PDE4D: variants seen among roughly 807,000 people sequenced by gnomAD.
PDE4D encodes the protein 3',5'-cyclic-AMP phosphodiesterase 4D.
A neutral mutation model predicts 87.4 loss-of-function variants in PDE4D; 24 were observed. The ratio of observed to expected loss-of-function variants is 0.27; its 90% CI spans 0.20 to 0.39. The LOEUF (loss-of-function observed/expected upper bound fraction) is 0.39, where lower values mean the gene tolerates loss of function less well. Ranked by LOEUF, PDE4D falls within the 10% of genes least tolerant of loss-of-function variation. PDE4D has a pLI of 1.00. For synonymous variants in PDE4D, 384 were observed against 383.2 expected, an observed-to-expected ratio of 1.00 and a Z score of -0.02; for missense variants, 714 against 1,041.0, an observed-to-expected ratio of 0.69 and a Z score of 4.32.
At chr5:59,429,528 AT>A (rs1296913850) in intron 1 of PDE4D, among the ~76,000 whole-genome samples, 1 of 152,194 alleles carries the variant, frequency 6.6e-6, no homozygotes, top group African/African-American at 2.4e-5. Context: ...TAAGATAGTA[AT>A]GACAGTTTCC....
At chr5:59,534,027 C>T (rs1383670009) in intron 1 of PDE4D, among the ~76,000 whole-genome samples, 4 of 152,152 alleles carry the variant, frequency 2.6e-5, no homozygotes, top group Non-Finnish European at 4.4e-5. Context: ...AAAACCTCCC[C>T]TAAAACCCAA....
chr5:60,037,202 G>A (rs1188696098), intron 2 of PDE4D, among the ~76,000 whole-genome samples: 4 of 152,154 alleles, frequency 2.6e-5, no homozygotes, highest in Admixed American at 6.5e-5. Flanking sequence ...TAATCTTGAA[G>A]TTTGGGGCAT....
intron 1 of PDE4D, among the ~76,000 whole-genome samples, chr5:60,189,182 A>T (rs1352390699): frequency 6.6e-6 from 1 of 152,232 alleles, no homozygotes; most frequent in Admixed American, 6.5e-5. Context: ...TGCAGGGAGA[A>T]CACTTTAGAA....
chr5:59,244,167 T>G (rs1048991968), intron 1 of PDE4D, among the ~76,000 whole-genome samples: 1 of 151,876 alleles, frequency 6.6e-6, no homozygotes, highest in African/African-American at 2.4e-5. Context: ...TGTTGGCTCA[T>G]GCTTGTAATC....
intron 2 of PDE4D, among the ~76,000 whole-genome samples, chr5:60,063,622 G>A (rs989650701): frequency 1.3e-5 from 2 of 152,078 alleles, no homozygotes; most frequent in Admixed American, 1.3e-4. Context: ...TGTTATGAAA[G>A]CTCCCTTGAA....
At chr5:60,008,734 C>T (rs1330313604) in intron 2 of PDE4D, among the ~76,000 whole-genome samples, 2 of 152,034 alleles carry the variant, frequency 1.3e-5, no homozygotes, top group East Asian at 1.9e-4. Context: ...ATTTATGCTT[C>T]TGTAACTACC....
At chr5:59,053,644 TGTTTTTTTTTGTTGTTG>T (rs781550652) in intron 5 of PDE4D, among the ~76,000 whole-genome samples, 3 of 125,676 alleles carry the variant, frequency 2.4e-5, no homozygotes, top group African/African-American at 9.9e-5. Context: ...TTTTGTTTTT[TGTTTTTTTTTGTTGTTG>T]TTTTTTTTTT....
At chr5:60,403,642 G>A (rs1307714321) in intron 1 of PDE4D, among the ~76,000 whole-genome samples, 1 of 152,136 alleles carries the variant, frequency 6.6e-6, no homozygotes, top group South Asian at 2.1e-4. Flanking sequence ...TTACAGACAG[G>A]GAAACTAGAG....
chr5:59,388,990 A>T (rs1787686809), intron 1 of PDE4D, among the ~76,000 whole-genome samples: 1 of 152,072 alleles, frequency 6.6e-6, no homozygotes, highest in South Asian at 2.1e-4. Flanking sequence ...TCTAGACTTT[A>T]ATTGTATATT....
intron 1 of PDE4D, among the ~76,000 whole-genome samples, chr5:59,780,415 C>A (rs896725930): frequency 2.6e-5 from 4 of 152,186 alleles, no homozygotes; most frequent in Non-Finnish European, 5.9e-5. Context: ...TTTAGTTGAC[C>A]AAGCATTTCC....
chr5:59,613,970 A>G (rs1829328905), intron 1 of PDE4D, among the ~76,000 whole-genome samples: 1 of 152,212 alleles, frequency 6.6e-6, no homozygotes, highest in Non-Finnish European at 1.5e-5. Flanking sequence ...ATTTTTAAAA[A>G]AAACTTTTTT....
At chr5:59,991,432 G>A (rs773048929) in intron 2 of PDE4D, among the ~76,000 whole-genome samples, 1 of 152,212 alleles carries the variant, frequency 6.6e-6, no homozygotes, top group East Asian at 1.9e-4. Context: ...AAAAACAATG[G>A]CTTGGAGATA....
intron 1 of PDE4D, among the ~76,000 whole-genome samples, chr5:60,296,950 G>A (rs1753455299): frequency 6.6e-6 from 1 of 152,090 alleles, no homozygotes; most frequent in South Asian, 2.1e-4. Context: ...GGGAGGTGGG[G>A]GGCAAGGGGA....
chr5:59,853,985 T>C (rs1056892829), intron 1 of PDE4D, among the ~76,000 whole-genome samples: 1 of 152,114 alleles, frequency 6.6e-6, no homozygotes, highest in African/African-American at 2.4e-5. Flanking sequence ...ATGAAAATTT[T>C]GAACATGTAT....
At chr5:59,836,491 T>A (rs1416716334) in intron 1 of PDE4D, among the ~76,000 whole-genome samples, 1 of 151,992 alleles carries the variant, frequency 6.6e-6, no homozygotes, top group East Asian at 1.9e-4. Flanking sequence ...CAGAGTATAT[T>A]ATAAACAAAT....
At chr5:59,759,014 A>G (rs1476124104) in intron 1 of PDE4D, among the ~76,000 whole-genome samples, 1 of 152,184 alleles carries the variant, frequency 6.6e-6, no homozygotes, top group Non-Finnish European at 1.5e-5. Context: ...CAATATACTG[A>G]ATGAATCGCA....
intron 1 of PDE4D, among the ~76,000 whole-genome samples, chr5:59,260,924 C>A: frequency 7.6e-6 from 1 of 131,884 alleles, no homozygotes. Context: ...ATGGAATTTC[C>A]CACAATATAC....
chr5:59,266,898 C>T (rs561056077), intron 1 of PDE4D, among the ~76,000 whole-genome samples: 130 of 152,132 alleles, frequency 8.5e-4, no homozygotes, highest in Non-Finnish European at 1.3e-3. Context: ...TTTCGACAGA[C>T]CAAGATTTTT....
intron 2 of PDE4D, among the ~76,000 whole-genome samples, chr5:60,016,025 CTGTGTGTGTGTG>C (rs70975359): frequency 1.2e-4 from 18 of 146,804 alleles, no homozygotes; most frequent in African/African-American, 4.3e-4. Flanking sequence ...CTCTCTCTCT[CTGTGTGTGTGTG>C]TGTGTGTGTG....
Sources: allele counts gnomAD v4.1 joint callset (sites outside exome capture counted in the v4.1 genomes callset), GRCh38; gene constraint gnomAD v4.1.1; transcripts MANE v1.5; gene names NCBI Gene and HGNC (gene_info 2026-07-23, HGNC 2026-07-21).